Variants in CCDC91 observed in about 807,000 individuals in gnomAD.
CCDC91 encodes coiled-coil domain-containing protein 91.
Under a neutral mutation model 63.2 loss-of-function variants are expected in CCDC91, and 48 were observed. The ratio of observed to expected loss-of-function variants is 0.76; its 90% CI spans 0.60 to 0.97. The LOEUF is 0.97. Among genes scored for constraint, CCDC91 ranks in the 50% least tolerant of loss-of-function variants. The probability of loss-of-function intolerance (pLI) is 0.00; values close to 1 mark genes in which losing one functional copy is unlikely to be tolerated. For synonymous variants in CCDC91, 167 were observed against 165.8 expected, an observed-to-expected ratio of 1.01 and a Z score of -0.06; for missense variants, 500 against 494.6, an observed-to-expected ratio of 1.01 and a Z score of -0.10.
At chr12:28,479,809 G>A (rs754835353) in intron 11 of CCDC91, among the ~76,000 whole-genome samples, 1 of 149,474 alleles carries the variant, frequency 6.7e-6, no homozygotes, top group Non-Finnish European at 1.5e-5. Flanking sequence ...TTAGACCAAT[G>A]TTTAAGAGTT....
intron 6 of CCDC91, among the ~76,000 whole-genome samples, chr12:28,338,262 T>TC (rs952085697): frequency 2.0e-5 from 3 of 151,050 alleles, no homozygotes; most frequent in Non-Finnish European, 4.4e-5. Flanking sequence ...ATGGATCTTT[T>TC]TTTTTTTTCT....
intron 6 of CCDC91, among the ~76,000 whole-genome samples, chr12:28,352,300 T>C (rs940984182): frequency 3.9e-5 from 6 of 152,206 alleles, no homozygotes; most frequent in African/African-American, 1.4e-4. Context: ...AAAGTGAAAC[T>C]ATAATGAAGT....
At chr12:28,514,563 A>G (rs1470683805) in intron 12 of CCDC91, among the ~76,000 whole-genome samples, 5 of 151,602 alleles carry the variant, frequency 3.3e-5, no homozygotes, top group African/African-American at 1.2e-4. Context: ...ATCTTTGTCC[A>G]TTCGTATGTC....
At chr12:28,512,736 G>A (rs1323870743) in intron 12 of CCDC91, among the ~76,000 whole-genome samples, 5 of 151,816 alleles carry the variant, frequency 3.3e-5, no homozygotes, top group Non-Finnish European at 5.9e-5. Context: ...CCTCCATTCC[G>A]ATAGGGTTTA....
intron 6 of CCDC91, among the ~76,000 whole-genome samples, chr12:28,320,874 G>A (rs1940425053): frequency 6.6e-6 from 1 of 151,726 alleles, no homozygotes; most frequent in South Asian, 2.1e-4. Flanking sequence ...CTTTTCTCAG[G>A]TATAAGTGAT....
intron 12 of CCDC91, among the ~76,000 whole-genome samples, chr12:28,503,233 A>C (rs1938206739): frequency 6.6e-6 from 1 of 152,196 alleles, no homozygotes; most frequent in South Asian, 2.1e-4. Flanking sequence ...CAACAAATTT[A>C]CAAGAAAAAA....
chr12:28,346,159 G>T (rs1259816183), intron 6 of CCDC91, among the ~76,000 whole-genome samples: 1 of 152,138 alleles, frequency 6.6e-6, no homozygotes, highest in Non-Finnish European at 1.5e-5. Flanking sequence ...TGAATCTCAA[G>T]TGTCCTGGCG....
intron 1 of CCDC91, among the ~76,000 whole-genome samples, chr12:28,195,178 G>A (rs1413446926): frequency 7.3e-5 from 6 of 82,558 alleles, no homozygotes; most frequent in Non-Finnish European, 1.5e-4. Context: ...TGATTGGTCC[G>A]TTTTGCCAGA....
intron 12 of CCDC91, among the ~76,000 whole-genome samples, chr12:28,524,437 C>G (rs1234058067): frequency 6.6e-6 from 1 of 152,086 alleles, no homozygotes; most frequent in South Asian, 2.1e-4. Flanking sequence ...ATCCCTGCAT[C>G]CCTGGTATTA....
intron 7 of CCDC91, among the ~76,000 whole-genome samples, chr12:28,367,380 G>A (rs1392505827): frequency 6.6e-6 from 1 of 152,004 alleles, no homozygotes; most frequent in Non-Finnish European, 1.5e-5. Context: ...GCTCAATAAT[G>A]GAATGGAGAA....
At chr12:28,493,704 A>G (rs575441548) in intron 12 of CCDC91, among the ~76,000 whole-genome samples, 2 of 151,782 alleles carry the variant, frequency 1.3e-5, no homozygotes, top group East Asian at 3.9e-4. Context: ...CCATACTTAC[A>G]TATAGTAACA....
intron 3 of CCDC91, among the ~76,000 whole-genome samples, chr12:28,266,992 T>A (rs1268292799): frequency 6.6e-6 from 1 of 151,946 alleles, no homozygotes; most frequent in Non-Finnish European, 1.5e-5. Context: ...TCTCATCAGC[T>A]ATCCATCCTG....
intron 12 of CCDC91, among the ~76,000 whole-genome samples, chr12:28,508,180 T>G (rs752554378): frequency 7.2e-5 from 11 of 151,886 alleles, no homozygotes; most frequent in Non-Finnish European, 1.2e-4. Flanking sequence ...TTCCTCTATA[T>G]AATAAGTTCT....
At chr12:28,192,758 T>A (rs900638973) in intron 1 of CCDC91, among the ~76,000 whole-genome samples, 18 of 152,218 alleles carry the variant, frequency 1.2e-4, no homozygotes, top group African/African-American at 2.4e-4. Context: ...TTGCTTTTTT[T>A]AAAAAAAATC....
chr12:28,265,835 AT>A (rs1185893870), intron 3 of CCDC91, among the ~76,000 whole-genome samples: 1 of 152,108 alleles, frequency 6.6e-6, no homozygotes, highest in African/African-American at 2.4e-5. Context: ...ATAGTCACAT[AT>A]GTGCATTATG....
At chr12:28,201,952 G>T (rs918796831) in intron 1 of CCDC91, among the ~76,000 whole-genome samples, 4 of 151,870 alleles carry the variant, frequency 2.6e-5, no homozygotes, top group Non-Finnish European at 5.9e-5. Flanking sequence ...CAGGCAGGGA[G>T]GTTGCAGTGA....
At chr12:28,447,992 T>C (rs1230395965) in intron 8 of CCDC91, among the ~76,000 whole-genome samples, 16 of 152,056 alleles carry the variant, frequency 1.1e-4, no homozygotes, top group Non-Finnish European at 1.5e-5. Flanking sequence ...CATAGATTAC[T>C]CTTATTCTGT....
chr12:28,522,661 A>G (rs1940831333), intron 12 of CCDC91, among the ~76,000 whole-genome samples: 4 of 151,800 alleles, frequency 2.6e-5, no homozygotes, highest in South Asian at 2.1e-4. Context: ...TTTAATTGTG[A>G]TGTTAGGGTG....
intron 8 of CCDC91, among the ~76,000 whole-genome samples, chr12:28,427,708 C>T (rs1336910282): frequency 3.9e-5 from 6 of 152,130 alleles, no homozygotes; most frequent in Non-Finnish European, 8.8e-5. Context: ...GGCAGTTTGG[C>T]TGTGACAGTT....
Sources: gnomAD v4.1 joint callset for allele counts (sites outside exome capture counted in the v4.1 genomes callset) on GRCh38, gnomAD v4.1.1 for gene constraint, MANE v1.5 for transcripts, NCBI Gene and HGNC (gene_info 2026-07-23, HGNC 2026-07-21) for gene names.